MMP16: variants seen among roughly 807,000 people sequenced by gnomAD.
The protein encoded by MMP16 is matrix metalloproteinase-16.
Under a neutral mutation model 67.8 loss-of-function variants are expected in MMP16, and 12 were observed. The ratio of observed to expected loss-of-function variants is 0.18; its 90% CI spans 0.11 to 0.29. The LOEUF (loss-of-function observed/expected upper bound fraction) is 0.29. Ranked by LOEUF, MMP16 falls within the 10% of genes least tolerant of loss-of-function variation. The pLI is 1.00. For missense variants in MMP16, 475 were observed against 765.7 expected (o/e 0.62, Z 4.48); for synonymous variants, 249 against 255.9 (o/e 0.97, Z 0.26).
At chr8:88,253,425 T>G (rs1425807090) in intron 1 of MMP16, among the ~76,000 whole-genome samples, 2 of 152,106 alleles carry the variant, frequency 1.3e-5, no homozygotes, top group Non-Finnish European at 2.9e-5. Context: ...CAGATAAATA[T>G]TAACAGTGAT....
rs970811657 is a variant in MMP16, at chr8:88,034,312, A to G, written c.*7149T>C. 2.0e-5 allele frequency: 3 copies of G among 152,384 alleles called. No individual in the cohort carries two copies. Among genetic ancestry groups the G allele is most frequent in the Non-Finnish European group, 2.9e-5 (2 of 67,930 alleles). 9.4% of individuals were successfully genotyped at this position (152,384 alleles called of 1,614,324 possible). A position where few individuals can be genotyped will look rare whatever the true frequency, so the allele number is the denominator to read the frequency against. ...AGACAGAGACTGCATAGGACAACTCAATAAGATGTATCTTTCCCAACCATC... is the reference window on the plus strand; with the variant it reads ...AGACAGAGACTGCATAGGACAACTCGATAAGATGTATCTTTCCCAACCATC... On this transcript the variant is annotated 3_prime_UTR_variant, in exon 10 of 10. Coordinates refer to ENST00000286614, the MANE Select transcript of MMP16 (RefSeq NM_005941.5).
At chr8:88,290,349 G>C (rs549123238) in intron 1 of MMP16, among the ~76,000 whole-genome samples, 1 of 151,932 alleles carries the variant, frequency 6.6e-6, no homozygotes, top group Non-Finnish European at 1.5e-5. Flanking sequence ...TCAGGAGGTC[G>C]AGGCCATCCT....
chr8:88,259,526 C>A (rs1051775836), intron 1 of MMP16, among the ~76,000 whole-genome samples: 1 of 151,564 alleles, frequency 6.6e-6, no homozygotes, highest in African/African-American at 2.4e-5. Context: ...ATAATTTAAA[C>A]GTGTGGGAAA....
intron 4 of MMP16, among the ~76,000 whole-genome samples, chr8:88,121,829 C>T (rs1807841912): frequency 2.0e-5 from 3 of 151,980 alleles, no homozygotes; most frequent in Admixed American, 2.0e-4. Flanking sequence ...ATTTCTTTGT[C>T]ATAATTATGT....
At chr8:88,278,244 C>CTGTA (rs1004655119) in intron 1 of MMP16, among the ~76,000 whole-genome samples, 20 of 152,248 alleles carry the variant, frequency 1.3e-4, no homozygotes, top group Non-Finnish European at 2.5e-4. Context: ...TAACACTAAG[C>CTGTA]TGTACAACAT....
chr8:88,251,224 A>G (rs894107959), intron 1 of MMP16, among the ~76,000 whole-genome samples: 6 of 151,906 alleles, frequency 3.9e-5, no homozygotes, highest in African/African-American at 7.3e-5. Context: ...GAGGCATCAC[A>G]CTACCTGAAT....
chr8:88,164,729 T>A (rs563742441), intron 4 of MMP16, among the ~76,000 whole-genome samples: 21 of 151,994 alleles, frequency 1.4e-4, no homozygotes, highest in Admixed American at 7.9e-4. Context: ...AAACAATTGT[T>A]TTGTTTAGAT....
intron 1 of MMP16, among the ~76,000 whole-genome samples, chr8:88,258,158 C>G (rs1271065264): frequency 1.3e-5 from 2 of 151,790 alleles, no homozygotes; most frequent in Non-Finnish European, 2.9e-5. Flanking sequence ...TCAAATGACT[C>G]TTCTTTTGAA....
rs539059989 is a variant in MMP16 at position 88,160,123 on chromosome 8, C to T, written c.709+7546G>A. On this transcript the variant is annotated intron_variant, in intron 4 of 9. Transcript: ENST00000286614. The stretch of plus-strand genomic sequence containing the variant: ...TCTCCTAATGCTATCCCTCCCCCTT[C>T]CCCCAATCCCACAACAGTTCCCAGA... Among the ~76,000 whole-genome samples, 86 of 152,032 alleles carry T rather than the reference C, an allele frequency of 5.7e-4. 1 individual carries two copies. The South Asian group carries it at 0.017, about 30-fold the overall frequency.
chr8:88,293,152 T>C (rs1810952814), intron 1 of MMP16, among the ~76,000 whole-genome samples: 1 of 152,168 alleles, frequency 6.6e-6, no homozygotes, highest in Admixed American at 6.5e-5. Flanking sequence ...TACATCTTGA[T>C]TATTTTAAAT....
At chr8:88,192,637 G>C (rs751770974) in intron 2 of MMP16, among the ~76,000 whole-genome samples, 6 of 152,062 alleles carry the variant, frequency 3.9e-5, no homozygotes, top group Non-Finnish European at 8.8e-5. Context: ...TGAAAAAGAA[G>C]ATAGAGAATA....
At chr8:88,175,423 A>G (rs1047859992) in intron 3 of MMP16, among the ~76,000 whole-genome samples, 1 of 152,180 alleles carries the variant, frequency 6.6e-6, no homozygotes, top group Non-Finnish European at 1.5e-5. Flanking sequence ...AAAAACAAGA[A>G]TAGAAAATGA....
At chr8:88,130,456 G>A (rs1412011554) in intron 4 of MMP16, among the ~76,000 whole-genome samples, 3 of 151,486 alleles carry the variant, frequency 2.0e-5, no homozygotes, top group Non-Finnish European at 3.0e-5. Context: ...GATAAAAATG[G>A]AAATGAAAAT....
At position 88,072,823 on chromosome 8, in the gene MMP16, A is replaced by G. The variant is rs536503982; in HGVS notation, c.1222+1782T>C. Among the ~76,000 whole-genome samples, 14 of 152,268 alleles carry G rather than the reference A, an allele frequency of 9.2e-5. 2 individuals carry two copies. In the South Asian group the frequency reaches 2.9e-3, roughly 32 times the overall value. Reference sequence around the variant, plus strand: ...TGTGGGTAATTTCAATTCTTTTACAAATGCTTTGTGCAAGTTAGAAGGTAC... The same window carrying G: ...TGTGGGTAATTTCAATTCTTTTACAGATGCTTTGTGCAAGTTAGAAGGTAC... On this transcript the variant is annotated intron_variant, in intron 7 of 9. Transcript: ENST00000286614.
chr8:88,184,525 T>C (rs1586194308), intron 3 of MMP16, among the ~76,000 whole-genome samples: 1 of 110,216 alleles, frequency 9.1e-6, no homozygotes, highest in African/African-American at 3.5e-5. Context: ...GCCCAGGAGT[T>C]CAAGACCAGC....
At chr8:88,282,993 C>T (rs1810765338) in intron 1 of MMP16, among the ~76,000 whole-genome samples, 2 of 152,044 alleles carry the variant, frequency 1.3e-5, no homozygotes, top group East Asian at 3.9e-4. Context: ...GCATGTTCAA[C>T]GTGATGTGGT....
chr8:88,115,711 G>A (rs1199253104), intron 6 of MMP16, among the ~76,000 whole-genome samples: 1 of 151,816 alleles, frequency 6.6e-6, no homozygotes, highest in Non-Finnish European at 1.5e-5. Flanking sequence ...GCAAAATGTG[G>A]CTCTTTTAAT....
At chr8:88,308,592 C>T in intron 1 of MMP16, among the ~76,000 whole-genome samples, 1 of 151,982 alleles carries the variant, frequency 6.6e-6, no homozygotes, top group East Asian at 1.9e-4. Flanking sequence ...GTTGAAGCAC[C>T]TGTTCAGTAA....
intron 1 of MMP16, among the ~76,000 whole-genome samples, chr8:88,262,835 T>A (rs1810408095): frequency 1.6e-5 from 1 of 62,138 alleles, no homozygotes; most frequent in Non-Finnish European, 3.1e-5. Context: ...ACCCCGTCTC[T>A]ACTAAAAATA....
Sources: gnomAD v4.1 joint callset for allele counts (sites outside exome capture counted in the v4.1 genomes callset) on GRCh38, gnomAD v4.1.1 for gene constraint, MANE v1.5 for transcripts, NCBI Gene and HGNC (gene_info 2026-07-23, HGNC 2026-07-21) for gene names.